Variants in DCAF6 observed in about 807,000 individuals in gnomAD.
DCAF6 encodes DDB1- and CUL4-associated factor 6.
DCAF6 carries 54 observed loss-of-function variants against 125.1 expected under a neutral mutation model. The observed-to-expected ratio is 0.43, with a 90% CI of 0.35 to 0.54. The LOEUF (loss-of-function observed/expected upper bound fraction) is 0.54. Ranked by LOEUF, DCAF6 falls within the 20% of genes least tolerant of loss-of-function variation. DCAF6 has a pLI of 0.01. For missense variants in DCAF6, 934 were observed against 1,161.7 expected (o/e 0.80, Z 2.85); for synonymous variants, 371 against 390.4 (o/e 0.95, Z 0.58).
chr1:168,009,800 T>C (rs751436107), intron 10 of DCAF6, among the ~76,000 whole-genome samples: 1 of 131,212 alleles, frequency 7.6e-6, no homozygotes, highest in Non-Finnish European at 1.6e-5. Flanking sequence ...CTCTTCTATA[T>C]AACCCTGTTT....
the DCAF6 span, chr1:167,920,709 C>T: frequency 1.4e-5 from 20 of 1,395,988 alleles, no homozygotes; most frequent in African/African-American, 2.9e-4. Context: ...AAGCACAAGA[C>T]ATTTTTGAGA....
At chr1:168,020,332 C>G (rs1199208520) in intron 11 of DCAF6, among the ~76,000 whole-genome samples, 4 of 152,116 alleles carry the variant, frequency 2.6e-5, no homozygotes, top group Non-Finnish European at 5.9e-5. Flanking sequence ...GGAAGTGTGG[C>G]TGAAGAATTT....
In DCAF6 at chr1:168,063,931, A is replaced by G. The variant is rs80116045; in HGVS notation, c.2439+172A>G. Reference sequence around the variant, plus strand: ...TTTTAGCCCTATAATATATTGTGAAAGATCATTATTTTTTACAAGAAAACT... The same window carrying G: ...TTTTAGCCCTATAATATATTGTGAAGGATCATTATTTTTTACAAGAAAACT... On this transcript the variant is annotated intron_variant, in intron 18 of 21. Transcript: ENST00000367840. The G allele has an allele frequency of 2.5e-3, 1,356 of 544,942 alleles. 17 individuals are homozygous for G. The highest frequency in any genetic ancestry group is 0.024 in the African/African-American group (1,227 of 50,464). 33.8% of individuals were successfully genotyped at this position (544,942 alleles called of 1,614,324 possible). A position where few individuals can be genotyped will look rare whatever the true frequency, so the allele number is the denominator to read the frequency against.
chr1:167,884,235 T>G, the DCAF6 span, among the ~76,000 whole-genome samples: 1 of 152,168 alleles, frequency 6.6e-6, no homozygotes, highest in South Asian at 2.1e-4. Flanking sequence ...CACAGTTCCA[T>G]GGGCTGTACA....
the DCAF6 span, among the ~76,000 whole-genome samples, chr1:167,879,498 T>A: frequency 2.0e-4 from 30 of 151,878 alleles, no homozygotes; most frequent in African/African-American, 6.8e-4. Context: ...CATCACCCCA[T>A]CCCAACAAGC....
At chr1:167,935,774 A>G (rs143230699), upstream of DCAF6, 304 of 1,565,240 alleles carry the variant, frequency 1.9e-4, 1 homozygote, top group Admixed American at 5.1e-4. Context: ...CTCGGGCAGC[A>G]TCAGCTCCAC....
chr1:168,041,027 G>A (rs1688462913), intron 13 of DCAF6, among the ~76,000 whole-genome samples: 1 of 151,656 alleles, frequency 6.6e-6, no homozygotes. Flanking sequence ...TAAGAGCTTG[G>A]ACTGAAATTG....
the DCAF6 span, among the ~76,000 whole-genome samples, chr1:167,893,261 G>A: frequency 2.0e-5 from 3 of 152,150 alleles, no homozygotes; most frequent in Non-Finnish European, 4.4e-5. Context: ...AAGGGTGCCC[G>A]CATGTTCTTA....
rs1674175986 is a variant in DCAF6 at position 167,952,798 on chromosome 1, T to C, written c.159+937T>C. On this transcript the variant is annotated intron_variant, in intron 2 of 21. Coordinates refer to ENST00000367840, the MANE Select transcript of DCAF6 (RefSeq NM_001198956.2). ...TATATCCAACTTTCTACTTAACATGTCCAGTTGCATGTCTAATAGGCATCC... is the reference window on the plus strand; with the variant it reads ...TATATCCAACTTTCTACTTAACATGCCCAGTTGCATGTCTAATAGGCATCC... 2.0e-5 allele frequency among the ~76,000 whole-genome samples: 3 copies of C among 152,280 alleles called. No homozygotes were observed. The South Asian group carries it at 6.2e-4, about 32-fold the overall frequency.
the DCAF6 span, among the ~76,000 whole-genome samples, chr1:167,865,937 A>G: frequency 6.6e-6 from 1 of 152,184 alleles, no homozygotes; most frequent in African/African-American, 2.4e-5. Context: ...TCTCTCTGCT[A>G]TCCCTGTGGG....
the DCAF6 span, among the ~76,000 whole-genome samples, chr1:167,925,658 T>C: frequency 2.0e-5 from 3 of 151,286 alleles, no homozygotes; most frequent in African/African-American, 7.3e-5. Flanking sequence ...GTGATTCTCT[T>C]GCCTTAGCCT....
At chr1:167,980,489 T>G (rs914827026) in intron 4 of DCAF6, among the ~76,000 whole-genome samples, 1 of 151,872 alleles carries the variant, frequency 6.6e-6, no homozygotes, top group African/African-American at 2.4e-5. Context: ...CACTTACAAT[T>G]TTTTTTTAGT....
chr1:167,871,295 C>G, the DCAF6 span, among the ~76,000 whole-genome samples: 1 of 152,056 alleles, frequency 6.6e-6, no homozygotes, highest in African/African-American at 2.4e-5. Flanking sequence ...ATTCAATTTG[C>G]CTTCAGAAAT....
chr1:167,975,687 A>G (rs1451560013), intron 4 of DCAF6, among the ~76,000 whole-genome samples: 1 of 152,136 alleles, frequency 6.6e-6, no homozygotes, highest in Non-Finnish European at 1.5e-5. Context: ...CTGGGACTAC[A>G]GGCATGTGCC....
At chr1:168,033,470 C>G (rs968710671) in intron 12 of DCAF6, among the ~76,000 whole-genome samples, 1 of 151,988 alleles carries the variant, frequency 6.6e-6, no homozygotes, top group Non-Finnish European at 1.5e-5. Context: ...CGCCCGCCAC[C>G]GCGCCCGGCT....
the DCAF6 span, among the ~76,000 whole-genome samples, chr1:167,924,163 T>G: frequency 3.9e-5 from 6 of 152,182 alleles, no homozygotes; most frequent in Non-Finnish European, 8.8e-5. Context: ...ACTAAATTAA[T>G]AATAAAAGTT....
At chr1:168,027,228 AT>A (rs965490717) in intron 12 of DCAF6, among the ~76,000 whole-genome samples, 1 of 152,100 alleles carries the variant, frequency 6.6e-6, no homozygotes, top group African/African-American at 2.4e-5. Flanking sequence ...AGACTTTGTT[AT>A]GTCTCTTTTC....
rs370599559 is a variant in DCAF6, at chr1:167,984,021, C to T, written c.439-3474C>T. On this transcript the variant is annotated intron_variant, in intron 4 of 21. Transcript: ENST00000367840. ...TACTGTTTTTTACAACTACCATAGT[C>T]GCAAGGCTGCTGTTGACTTAGGGAA... 3.9e-5 allele frequency among the ~76,000 whole-genome samples: 6 copies of T among 152,276 alleles called. No homozygotes were observed. In the South Asian group the frequency reaches 6.2e-4, roughly 16 times the overall value.
intron 1 of DCAF6, among the ~76,000 whole-genome samples, chr1:167,945,639 G>A (rs1360281657): frequency 1.3e-5 from 2 of 151,960 alleles, no homozygotes; most frequent in Non-Finnish European, 2.9e-5. Context: ...CTACAAGTGC[G>A]CACCACTATG....
Sources: allele counts gnomAD v4.1 joint callset (sites outside exome capture counted in the v4.1 genomes callset), GRCh38; gene constraint gnomAD v4.1.1; transcripts MANE v1.5; gene names NCBI Gene and HGNC (gene_info 2026-07-23, HGNC 2026-07-21).